Variants in HERC1 observed in about 807,000 individuals in gnomAD.
The protein encoded by HERC1 is HECT and RLD domain containing E3 ubiquitin protein ligase family member 1, also known as probable E3 ubiquitin-protein ligase HERC1.
A neutral mutation model predicts 554.3 loss-of-function variants in HERC1; 160 were observed. The ratio of observed to expected loss-of-function variants is 0.29; its 90% CI spans 0.25 to 0.33. The LOEUF (loss-of-function observed/expected upper bound fraction) is 0.33. Among genes scored for constraint, HERC1 ranks in the 10% least tolerant of loss-of-function variants. The pLI, the probability that HERC1 is intolerant of heterozygous loss-of-function variation, is 1.00. For synonymous variants in HERC1, 2,175 were observed against 2,131.7 expected, an observed-to-expected ratio of 1.02 and a Z score of -0.56; for missense variants, 4,919 against 5,918.5, an observed-to-expected ratio of 0.83 and a Z score of 5.54.
intron 23 of HERC1, among the ~76,000 whole-genome samples, 152 bp from the exon 24 acceptor site, chr15:63,713,047 A>G (rs16947389): frequency 8.5e-5 from 13 of 152,228 alleles, no homozygotes; most frequent in Admixed American, 1.3e-4. Context: ...GAGCACAAAG[A>G]CCTTCTCAAA....
At chr15:63,689,805 G>C (rs1347081185) in intron 32 of HERC1, 106 bp from the exon 33 acceptor site, 1 of 615,248 alleles carries the variant, frequency 1.6e-6, no homozygotes, top group African/African-American at 1.9e-5. Flanking sequence ...TGCGAAGTTT[G>C]ATTATACCAG....
intron 60 of HERC1, 30 bp from the exon 61 acceptor site, chr15:63,640,475 C>A: frequency 6.4e-7 from 1 of 1,564,598 alleles, no homozygotes; most frequent in South Asian, 1.1e-5. Context: ...TATAATATGT[C>A]AAAGAGTTTG....
intron 21 of HERC1, among the ~76,000 whole-genome samples, chr15:63,716,684 TTCC>T (rs1343400841): frequency 6.6e-6 from 1 of 152,204 alleles, no homozygotes; most frequent in Non-Finnish European, 1.5e-5. Flanking sequence ...ATGCTCTTCC[TTCC>T]TCATTATTTT....
At position 63,661,980 on chromosome 15, in the gene HERC1, A is replaced by G; in HGVS notation, c.8943T>C (p.Cys2981=). Residue 2981 remains cysteine, a synonymous_variant, in exon 45 of 78, where the codon TGT becomes TGC. Coordinates refer to ENST00000443617, the MANE Select transcript of HERC1 (RefSeq NM_003922.4). ...ESEDREEVVV[C]ELCECSVVSF... is the part of the protein sequence containing the mutation. ...TGACGACGCTGCATTCACACAGTTC[A>G]CACACCACCACTTCTTCCCTGTCTT... The G allele has an allele frequency of 3.7e-6, 6 of 1,613,906 alleles. 1 individual carries two copies. Among genetic ancestry groups the G allele is most frequent in the Middle Eastern group, 3.3e-4 (2 of 6,062 alleles).
chr15:63,816,850 T>C (rs145237723), intron 1 of HERC1, among the ~76,000 whole-genome samples: 17 of 152,244 alleles, frequency 1.1e-4, no homozygotes, highest in African/African-American at 4.1e-4. Flanking sequence ...AATTTTGCAA[T>C]CACTGATGAA....
Position 63,613,635 on chromosome 15 carries a change from T to G in HERC1, c.14095-1079A>C, listed in dbSNP as rs149123900. On this transcript the variant is annotated intron_variant, in intron 76 of 77. Transcript: ENST00000443617. ...ATATGCATATCCTATATTATCGTGT[T>G]GTACACCTTAAATATACATAATAAA... Among the ~76,000 whole-genome samples, 24 of 151,976 alleles carry G rather than the reference T, an allele frequency of 1.6e-4. No individual in the cohort carries two copies. In the East Asian group the frequency reaches 4.6e-3, roughly 29 times the overall value.
intron 24 of HERC1, 25 bp downstream of exon 24, chr15:63,712,750 C>G (rs968099193): frequency 3.1e-6 from 5 of 1,604,798 alleles, no homozygotes; most frequent in Admixed American, 1.7e-5. Flanking sequence ...AAAAATCTTT[C>G]TTTACTGAAT....
chr15:63,678,124 C>A lies in HERC1; in HGVS notation c.6791G>T (p.Arg2264Leu). ...KLKKSRSVQS[R>L]EENEMREEKE... ...CTCCTCTCTCATTTCATTTTCCTCTCGGCTCTGAACCGAGCGGCTTTTCTT... is the reference window on the plus strand; with the variant it reads ...CTCCTCTCTCATTTCATTTTCCTCTAGGCTCTGAACCGAGCGGCTTTTCTT... The change falls in exon 37 of 78, where the codon CGA (arginine) becomes CTA (leucine). Residue 2264 changes from arginine to leucine, a missense_variant. By Grantham distance (102) the Arg-to-Leu change is moderately radical (BLOSUM62 -2). Around this residue, in one of 11 missense-constraint regions of HERC1, gnomAD observed 1,963 missense variants for 2,228.6 expected, o/e 0.88. Transcript: ENST00000443617. The A allele has an allele frequency of 6.2e-7, 1 of 1,614,000 alleles. No individual in the cohort carries two copies. The highest frequency in any genetic ancestry group is 1.7e-5 in the Admixed American group (1 of 60,026).
rs756908865 is a variant in HERC1 at position 63,733,001 on chromosome 15, T to G, written c.2791A>C (p.Thr931Pro). Residue 931 changes from threonine (T) to proline (P), a missense_variant, in exon 14 of 78, where the codon ACT becomes CCT. This residue lies in a region of HERC1 where 744 missense variants were observed against 1,090.0 expected (regional missense o/e 0.68). Transcript: ENST00000443617. Reference sequence around the variant, plus strand: ...TGGGTATCTGGATGGCAGCTCTGAGTGCCGTAAGGTTGATCTGACAGATTT... The same window carrying G: ...TGGGTATCTGGATGGCAGCTCTGAGGGCCGTAAGGTTGATCTGACAGATTT... ...YGNLSDQPYG[T>P]QSCHPDTHLA... The G allele has an allele frequency of 5.0e-6, 8 of 1,613,912 alleles. No homozygotes were observed. The Admixed American group carries it at 1.0e-4, about 20-fold the overall frequency.
intron 1 of HERC1, among the ~76,000 whole-genome samples, chr15:63,788,960 A>G (rs1028426332): frequency 1.3e-5 from 2 of 152,090 alleles, no homozygotes; most frequent in African/African-American, 4.8e-5. Context: ...ATGGCTCAAC[A>G]TAGGCAAATC....
intron 33 of HERC1, among the ~76,000 whole-genome samples, chr15:63,688,765 A>G (rs1283532990): frequency 6.6e-6 from 1 of 152,180 alleles, no homozygotes; most frequent in African/African-American, 2.4e-5. Flanking sequence ...ATATAAATCA[A>G]TGGAGGCTAG....
rs542020445 is a variant in HERC1, at chr15:63,661,770, C to G, written c.9153G>C (p.Lys3051Asn). Reference sequence around the variant, plus strand: ...CAAGGTACCTTTCAGAACTTGTTGACTTAGATTTGGTCTTCATGGCTAAGT... The same window carrying G: ...CAAGGTACCTTTCAGAACTTGTTGAGTTAGATTTGGTCTTCATGGCTAAGT... ...EKYLAMKTKS[K>N]STSSERYKGQ... The change falls in exon 45 of 78, where the codon AAG becomes AAC. Residue 3051 changes from lysine (K) to asparagine (N), a missense_variant. Lys to Asn is a moderately conservative substitution (Grantham distance 94). Transcript: ENST00000443617. The G allele has an allele frequency of 2.5e-6, 4 of 1,613,960 alleles. No homozygotes were observed. Among genetic ancestry groups the G allele is most frequent in the African/African-American group, 2.7e-5 (2 of 75,030 alleles).
chr15:63,654,699 C>CAA (rs372596416), intron 50 of HERC1, among the ~76,000 whole-genome samples: 38 of 133,906 alleles, frequency 2.8e-4, no homozygotes, highest in South Asian at 4.8e-4. Flanking sequence ...ACTGAAAATA[C>CAA]AAAAAAAAAA....
intron 19 of HERC1, among the ~76,000 whole-genome samples, chr15:63,720,251 G>A (rs2073761064): frequency 6.6e-6 from 1 of 151,582 alleles, no homozygotes; most frequent in South Asian, 2.1e-4. Context: ...TTACAGGCAT[G>A]AGCTACCACA....
chr15:63,787,381 G>C (rs1191608358), intron 1 of HERC1, among the ~76,000 whole-genome samples: 1 of 148,866 alleles, frequency 6.7e-6, no homozygotes, highest in Non-Finnish European at 1.5e-5. Context: ...GGTCTCAAAC[G>C]CCTGACCTCA....
chr15:63,786,129 C>T (rs2076433323), intron 1 of HERC1, among the ~76,000 whole-genome samples: 1 of 151,916 alleles, frequency 6.6e-6, no homozygotes, highest in Non-Finnish European at 1.5e-5. Context: ...AGATGCACTG[C>T]AGTGTGCCTG....
At chr15:63,744,423 C>A (rs2074976498) in intron 12 of HERC1, among the ~76,000 whole-genome samples, 1 of 152,138 alleles carries the variant, frequency 6.6e-6, no homozygotes, top group South Asian at 2.1e-4. Flanking sequence ...CGTGTCCTTC[C>A]CTTCAGGGGG....
intron 64 of HERC1, among the ~76,000 whole-genome samples, chr15:63,636,483 C>G (rs1204823272): frequency 2.0e-5 from 3 of 152,070 alleles, no homozygotes; most frequent in African/African-American, 7.2e-5. Context: ...GCTGGCCAGG[C>G]TGGTCATGAA....
At chr15:63,720,275 C>T (rs2073762872) in intron 19 of HERC1, among the ~76,000 whole-genome samples, 1 of 151,344 alleles carries the variant, frequency 6.6e-6, no homozygotes, top group African/African-American at 2.4e-5. Context: ...GGCCTCTTCC[C>T]ATTCTTTAAT....
Sources: allele counts gnomAD v4.1 joint callset (sites outside exome capture counted in the v4.1 genomes callset), GRCh38; gene constraint gnomAD v4.1.1; regional missense constraint gnomAD v4.1.1; transcripts MANE v1.5; gene names NCBI Gene and HGNC (gene_info 2026-07-23, HGNC 2026-07-21).